Variants in GNAO1 observed in about 807,000 individuals in gnomAD.
The protein encoded by GNAO1 is guanine nucleotide-binding protein G(o) subunit alpha.
For synonymous variants in GNAO1, 164 were observed against 180.7 expected (o/e 0.91, Z 0.74); for missense variants, 166 against 478.7 (o/e 0.35, Z 6.10).
At chr16:56,196,327 G>C (rs1423330262) in intron 2 of GNAO1, among the ~76,000 whole-genome samples, 15 of 152,074 alleles carry the variant, frequency 9.9e-5, no homozygotes, top group Admixed American at 8.5e-4. Flanking sequence ...CTTGTTAGGG[G>C]GTTGTGACCT....
chr16:56,204,065 G>A (rs1596794883), intron 2 of GNAO1, among the ~76,000 whole-genome samples: 1 of 152,138 alleles, frequency 6.6e-6, no homozygotes, highest in Non-Finnish European at 1.5e-5. Context: ...GAAGTTGGAT[G>A]GGGGAGAGAT....
rs1596855851 is a variant in GNAO1, at chr16:56,308,270, A to G, written c.304-20361A>G. ...CAACAGCTTTGGTTTTAGTAGTTTT[A>G]TTATTTTAGTGTATATTAGAAAAAT... On this transcript the variant is annotated intron_variant, in intron 3 of 8. Transcript: ENST00000262493. 4 of 152,284 alleles carry G rather than the reference A, an allele frequency of 2.6e-5. No individual in the cohort carries two copies. In the South Asian group the frequency reaches 8.3e-4, roughly 32 times the overall value. The allele number at this position is 152,284 out of a possible 1,614,324, so 9.4% of individuals were successfully genotyped here.
intron 2 of GNAO1, among the ~76,000 whole-genome samples, chr16:56,250,789 T>A (rs77011100): frequency 0.083 from 12,571 of 152,154 alleles, 569 homozygotes; most frequent in African/African-American, 0.11. Flanking sequence ...CAAATCCCCA[T>A]GCAAAGTGTT....
intron 3 of GNAO1, among the ~76,000 whole-genome samples, chr16:56,282,847 G>T (rs1333799267): frequency 6.6e-6 from 1 of 152,206 alleles, no homozygotes; most frequent in South Asian, 2.1e-4. Flanking sequence ...TGATTAAGGA[G>T]CAAGCCTTTG....
Position 56,354,183 on chromosome 16 carries a change from G to T in GNAO1, c.878-683G>T, listed in dbSNP as rs2037948306. Among the ~76,000 whole-genome samples, 1 of 152,220 alleles carries T rather than the reference G, an allele frequency of 6.6e-6. No individual in the cohort carries two copies. Among genetic ancestry groups the T allele is most frequent in the South Asian group, 2.1e-4 (1 of 4,830 alleles). ...TACTGGAATCAGCAGGATTGGTTTA[G>T]ACCATGGGGCGGTGCCTCAATTTGC... On this transcript the variant is annotated intron_variant, in intron 7 of 8. Transcript: ENST00000262493. This position sits in a 1 kb window ranked among gnomAD's most constrained non-coding sequence, Gnocchi z 4.3.
At chr16:56,331,397 G>A (rs773026153) in intron 4 of GNAO1, among the ~76,000 whole-genome samples, 4 of 152,112 alleles carry the variant, frequency 2.6e-5, no homozygotes, top group African/African-American at 4.8e-5. Flanking sequence ...CCATGCTGGC[G>A]TCCGACGTTT....
At chr16:56,277,612 TTTTA>T (rs2037072098) in intron 3 of GNAO1, among the ~76,000 whole-genome samples, 1 of 152,162 alleles carries the variant, frequency 6.6e-6, no homozygotes, top group African/African-American at 2.4e-5. Context: ...TAATGACTCG[TTTTA>T]TTTAACTCAT....
chr16:56,296,426 G>A lies in GNAO1; in HGVS notation c.303+20354G>A, dbSNP rs574477912. On this transcript the variant is annotated intron_variant, in intron 3 of 8. Coordinates refer to ENST00000262493, the MANE Select transcript of GNAO1 (RefSeq NM_020988.3). ...GGGAGAAGCGCTTGTTTCCCATGTG[G>A]AGTTGAGTTATAGTGGCCCTCAACA... Among the ~76,000 whole-genome samples the A allele has an allele frequency of 4.6e-5, 7 of 152,288 alleles. No individual in the cohort carries two copies. In the South Asian group the frequency reaches 1.2e-3, roughly 27 times the overall value.
chr16:56,292,284 T>C (rs1425828519), intron 3 of GNAO1, among the ~76,000 whole-genome samples: 2 of 152,338 alleles, frequency 1.3e-5, no homozygotes, highest in East Asian at 3.9e-4. Flanking sequence ...GGCATGGATA[T>C]ATCCCACTGC....
At chr16:56,265,080 C>A (rs200568827) in intron 2 of GNAO1, among the ~76,000 whole-genome samples, 2 of 152,204 alleles carry the variant, frequency 1.3e-5, no homozygotes, top group East Asian at 3.9e-4. Context: ...TTTTCTGCCT[C>A]CCTTGGGAGA....
At chr16:56,318,464 C>T (rs1318019863) in intron 3 of GNAO1, among the ~76,000 whole-genome samples, 2 of 152,214 alleles carry the variant, frequency 1.3e-5, no homozygotes, top group Non-Finnish European at 2.9e-5. Context: ...AGCTCACGCT[C>T]CCTCTCCCAT....
intron 6 of GNAO1, chr16:56,348,129 G>T: frequency 1.0e-6 from 1 of 965,352 alleles, no homozygotes; most frequent in Non-Finnish European, 1.2e-6. Context: ...TCTAGTTATT[G>T]TAATAATTTA....
rs989467643 is a variant in GNAO1 at position 56,326,155 on chromosome 16, C to T, written c.304-2476C>T. ...TGTTCCCAGCCATGCCTCTTCCTGT[C>T]GCTGGGACATCTCGCAGTGCCACTC... On this transcript the variant is annotated intron_variant, in intron 3 of 8. Coordinates refer to ENST00000262493, the MANE Select transcript of GNAO1 (RefSeq NM_020988.3). This position sits in a 1 kb window ranked among gnomAD's most constrained non-coding sequence, Gnocchi z 4.8. 6.6e-6 allele frequency among the ~76,000 whole-genome samples: 1 copy of T among 152,176 alleles called. No individual in the cohort carries two copies. The highest frequency in any genetic ancestry group is 2.4e-5 in the African/African-American group (1 of 41,426).
At chr16:56,221,651 C>CAAAA (rs11306838) in intron 2 of GNAO1, among the ~76,000 whole-genome samples, 4 of 83,868 alleles carry the variant, frequency 4.8e-5, no homozygotes, top group Non-Finnish European at 9.6e-5. Context: ...GACTGCATCT[C>CAAAA]AAAAAAAAAA....
chr16:56,274,876 T>C (rs550679561), intron 2 of GNAO1, among the ~76,000 whole-genome samples: 53 of 152,306 alleles, frequency 3.5e-4, no homozygotes, highest in African/African-American at 1.2e-3. Context: ...CTAAAAACCA[T>C]TGAATTGTAT....
intron 6 of GNAO1, chr16:56,347,008 C>A (rs2037876420): frequency 1.0e-6 from 1 of 985,498 alleles, no homozygotes; most frequent in Non-Finnish European, 1.2e-6. Flanking sequence ...TCAGGAAGTT[C>A]TTCCTTTTTC....
At chr16:56,223,008 G>A (rs2036504849) in intron 2 of GNAO1, among the ~76,000 whole-genome samples, 4 of 152,204 alleles carry the variant, frequency 2.6e-5, no homozygotes, top group Admixed American at 2.6e-4. Flanking sequence ...CCTTCTGGGT[G>A]TATAACTGGG....
At chr16:56,221,133 A>T (rs1242283919) in intron 2 of GNAO1, among the ~76,000 whole-genome samples, 1 of 152,098 alleles carries the variant, frequency 6.6e-6, no homozygotes, top group Non-Finnish European at 1.5e-5. Flanking sequence ...CCATGGGAGG[A>T]TGCTTCAAGA....
At chr16:56,246,569 G>T (rs989442407) in intron 2 of GNAO1, among the ~76,000 whole-genome samples, 3 of 152,176 alleles carry the variant, frequency 2.0e-5, no homozygotes, top group Non-Finnish European at 4.4e-5. Context: ...TGAGAGGCAC[G>T]AGGACCCAGT....
Sources: allele counts gnomAD v4.1 joint callset (sites outside exome capture counted in the v4.1 genomes callset), GRCh38; gene constraint gnomAD v4.1.1; non-coding constraint Gnocchi (gnomAD v3.1); transcripts MANE v1.5; gene names NCBI Gene and HGNC (gene_info 2026-07-23, HGNC 2026-07-21).